Variants in AGO3 observed in about 807,000 individuals in gnomAD.
The protein encoded by AGO3 is protein argonaute-3.
In AGO3, 16 loss-of-function variants were observed where a neutral mutation model predicts 105.5. That is an observed-to-expected ratio of 0.15 (90% CI 0.10 to 0.23). AGO3 has a LOEUF of 0.23. Among genes scored for constraint, AGO3 ranks in the 10% least tolerant of loss-of-function variants. The pLI is 1.00. For missense variants in AGO3, 534 were observed against 1,088.0 expected (o/e 0.49, Z 7.16); for synonymous variants, 340 against 367.3 (o/e 0.93, Z 0.85).
chr1:35,961,345 C>T (rs1646673077), intron 2 of AGO3, among the ~76,000 whole-genome samples: 1 of 152,078 alleles, frequency 6.6e-6, no homozygotes, highest in African/African-American at 2.4e-5. Flanking sequence ...GACAGTTGGT[C>T]ATATAGCTGC....
At chr1:36,025,497 T>C (rs1641462905) in intron 11 of AGO3, among the ~76,000 whole-genome samples, 1 of 152,100 alleles carries the variant, frequency 6.6e-6, no homozygotes, top group African/African-American at 2.4e-5. Context: ...GCAGCTTGAA[T>C]AGATGTCTCA....
intron 6 of AGO3, among the ~76,000 whole-genome samples, chr1:36,007,010 T>C (rs1364487693): frequency 6.6e-6 from 1 of 152,208 alleles, no homozygotes; most frequent in Admixed American, 6.5e-5. Context: ...TAATTCTTTG[T>C]TGGGATAGGG....
intron 1 of AGO3, among the ~76,000 whole-genome samples, chr1:35,943,366 A>G (rs528218926): frequency 5.3e-5 from 8 of 149,866 alleles, no homozygotes; most frequent in Admixed American, 2.7e-4. Flanking sequence ...CAGTGGCACA[A>G]TCTCGGCTCA....
chr1:36,011,502 G>C (rs1640612181), intron 9 of AGO3, among the ~76,000 whole-genome samples: 1 of 152,016 alleles, frequency 6.6e-6, no homozygotes, highest in Non-Finnish European at 1.5e-5. Flanking sequence ...CAGAGACTAA[G>C]ACCTCTTACT....
Position 36,056,951 on chromosome 1 carries a change from A to G in AGO3, c.*1206A>G, listed in dbSNP as rs1369710224. 1 of 152,164 alleles carries G rather than the reference A, an allele frequency of 6.6e-6. No homozygotes were observed. The highest frequency in any genetic ancestry group is 1.5e-5 in the Non-Finnish European group (1 of 68,068). The allele number at this position is 152,164 out of a possible 1,614,324, so 9.4% of individuals were successfully genotyped here. A position where few individuals can be genotyped will look rare whatever the true frequency, so the allele number is the denominator to read the frequency against. ...GAGACGGGGTTTCACCGTGTTGGCC[A>G]GGATGGTCTCGATCTCTTGACCTTG... On this transcript the variant is annotated 3_prime_UTR_variant, in exon 19 of 19. Coordinates refer to ENST00000373191, the MANE Select transcript of AGO3 (RefSeq NM_024852.4).
intron 2 of AGO3, among the ~76,000 whole-genome samples, chr1:35,965,361 A>G (rs914381281): frequency 2.7e-4 from 41 of 151,848 alleles, no homozygotes; most frequent in African/African-American, 8.9e-4. Flanking sequence ...GTGATGGTGC[A>G]TGCCTGTAAT....
rs1336738786 is a variant in AGO3 at position 36,039,898 on chromosome 1, C to T, written c.1951C>T (p.Leu651Phe). 2 of 1,614,082 alleles carry T rather than the reference C, an allele frequency of 1.2e-6. No individual in the cohort carries two copies. The highest frequency in any genetic ancestry group is 1.7e-6 in the Non-Finnish European group (2 of 1,180,030). The change falls in exon 15 of 19, where the codon CTT (leucine) becomes TTT (phenylalanine). Residue 651 changes from leucine (L) to phenylalanine (F), a missense_variant. By Grantham distance (22) the Leu-to-Phe change is conservative. Coordinates refer to ENST00000373191, the MANE Select transcript of AGO3 (RefSeq NM_024852.4). ...QDLASMVREL[L>F]IQFYKSTRFK... Reference sequence around the variant, plus strand: ...CTTGGCCTCCATGGTCCGGGAACTTCTTATTCAATTTTATAAGTCAACTCG... The same window carrying T: ...CTTGGCCTCCATGGTCCGGGAACTTTTTATTCAATTTTATAAGTCAACTCG...
rs189085654 is a variant in AGO3, at chr1:36,034,138, T to A, written c.1592-36T>A. On this transcript the variant is annotated intron_variant, in intron 12 of 18. Coordinates refer to ENST00000373191, the MANE Select transcript of AGO3 (RefSeq NM_024852.4). ...AGTATGTAAAATTATTTTCAGGTCT[T>A]TTTTTCTGACTAGAGGTTTTGCATC... is the stretch of plus-strand genomic sequence containing the variant. 12 of 1,471,004 alleles carry A rather than the reference T, an allele frequency of 8.2e-6. No homozygotes were observed. In the African/African-American group the frequency reaches 1.7e-4, roughly 21 times the overall value. The allele number at this position is 1,471,004 out of a possible 1,614,324, so 91.1% of individuals were successfully genotyped here. A position where few individuals can be genotyped will look rare whatever the true frequency, so the allele number is the denominator to read the frequency against.
intron 5 of AGO3, among the ~76,000 whole-genome samples, chr1:35,989,518 G>T (rs905390295): frequency 6.6e-6 from 1 of 152,088 alleles, no homozygotes; most frequent in Non-Finnish European, 1.5e-5. Flanking sequence ...TATTTCTTTA[G>T]CTTGTTTTGA....
chr1:36,010,376 G>A (rs1640544440), intron 9 of AGO3, among the ~76,000 whole-genome samples: 1 of 151,986 alleles, frequency 6.6e-6, no homozygotes, highest in Admixed American at 6.6e-5. Context: ...GGCCAAGGCG[G>A]GTGGATCACT....
chr1:36,029,992 C>CCCTA (rs1391582104), intron 12 of AGO3, among the ~76,000 whole-genome samples: 1 of 151,990 alleles, frequency 6.6e-6, no homozygotes, highest in Non-Finnish European at 1.5e-5. Context: ...TGCGCCTGGC[C>CCCTA]CCTAAATTTC....
intron 1 of AGO3, among the ~76,000 whole-genome samples, chr1:35,945,053 T>C (rs1175314617): frequency 6.6e-6 from 1 of 152,092 alleles, no homozygotes; most frequent in Non-Finnish European, 1.5e-5. Context: ...ATCCACCTGC[T>C]TTGGCCTCCC....
At chr1:35,931,487 C>G in intron 1 of AGO3, 42 bp downstream of exon 1, 1 of 1,432,324 alleles carries the variant, frequency 7.0e-7, no homozygotes, top group Non-Finnish European at 9.2e-7. Flanking sequence ...TGTCACCCAG[C>G]TACTGTCCTC....
intron 12 of AGO3, among the ~76,000 whole-genome samples, chr1:36,029,839 C>T (rs1048284506): frequency 4.0e-5 from 6 of 151,576 alleles, no homozygotes; most frequent in Admixed American, 6.6e-5. Context: ...TCTATAGGCG[C>T]GTGCCACCAT....
intron 17 of AGO3, among the ~76,000 whole-genome samples, chr1:36,052,448 A>T (rs1642756188): frequency 6.6e-6 from 1 of 152,192 alleles, no homozygotes; most frequent in South Asian, 2.1e-4. Flanking sequence ...ATACAAAATT[A>T]CAACTAGATA....
chr1:35,979,321 G>T (rs1220864180), intron 5 of AGO3, among the ~76,000 whole-genome samples: 1 of 152,022 alleles, frequency 6.6e-6, no homozygotes, highest in South Asian at 2.1e-4. Flanking sequence ...CCGAGATCGC[G>T]CCGCTGCACC....
intron 5 of AGO3, among the ~76,000 whole-genome samples, chr1:36,003,626 G>A (rs924601756): frequency 1.4e-5 from 2 of 146,270 alleles, no homozygotes; most frequent in African/African-American, 2.6e-5. Flanking sequence ...CCCGGGAGGC[G>A]GAGATTACAG....
chr1:35,962,272 C>T (rs183887717), intron 2 of AGO3, among the ~76,000 whole-genome samples: 62 of 152,142 alleles, frequency 4.1e-4, no homozygotes, highest in Non-Finnish European at 6.0e-4. Context: ...GGCCAGGCGC[C>T]GTGGCTCACA....
chr1:36,031,906 G>A (rs1465579830), intron 12 of AGO3, among the ~76,000 whole-genome samples: 2 of 149,506 alleles, frequency 1.3e-5, no homozygotes, highest in Non-Finnish European at 3.0e-5. Flanking sequence ...GTGGGGGGGC[G>A]GGGGGTGTGT....
Sources: gnomAD v4.1 joint callset for allele counts (sites outside exome capture counted in the v4.1 genomes callset) on GRCh38, gnomAD v4.1.1 for gene constraint, MANE v1.5 for transcripts, NCBI Gene and HGNC (gene_info 2026-07-23, HGNC 2026-07-21) for gene names.